Variants in ZSCAN12 observed in about 807,000 individuals in gnomAD.
ZSCAN12 encodes zinc finger and SCAN domain-containing protein 12.
A neutral mutation model predicts 23.4 loss-of-function variants in ZSCAN12; 18 were observed. The observed-to-expected ratio is 0.77, with a 90% CI of 0.53 to 1.14. The LOEUF is 1.14. Among genes scored for constraint, ZSCAN12 ranks in the 50% most tolerant of loss-of-function variants. The pLI is 0.00. For synonymous variants in ZSCAN12, 186 were observed against 253.4 expected (o/e 0.73, Z 2.53); for missense variants, 650 against 735.0 (o/e 0.88, Z 1.34).
chr6:28,382,849 C>T (rs73742556), downstream of ZSCAN12, among the ~76,000 whole-genome samples: 1,644 of 152,174 alleles, frequency 0.011, 36 homozygotes, highest in African/African-American at 0.036. Flanking sequence ...GGCTCCCCCC[C>T]ACTTCAAAAT....
At position 28,385,406 on chromosome 6, in the gene ZSCAN12, A is replaced by T. The variant is rs1026055531; in HGVS notation, c.*5048T>A. Among the ~76,000 whole-genome samples, 2 of 152,164 alleles carry T rather than the reference A, an allele frequency of 1.3e-5. No individual in the cohort carries two copies. Among genetic ancestry groups the T allele is most frequent in the Non-Finnish European group, 2.9e-5 (2 of 68,028 alleles). On this transcript the variant is annotated 3_prime_UTR_variant, in exon 4 of 4. Transcript: ENST00000684592. Reference sequence around the variant, plus strand: ...GATTTGGTATGCAGAGGGGGTGATAATATTATTACCTGAGGTGTTTGGACT... The same window carrying T: ...GATTTGGTATGCAGAGGGGGTGATATTATTATTACCTGAGGTGTTTGGACT...
At chr6:28,393,255 C>A (rs1314912410) in intron 2 of ZSCAN12, among the ~76,000 whole-genome samples, 1 of 151,944 alleles carries the variant, frequency 6.6e-6, no homozygotes, top group African/African-American at 2.4e-5. Flanking sequence ...CCTGTTGTTA[C>A]CGCTAAAGTA....
In ZSCAN12 at chr6:28,398,476, G is replaced by A. The variant is rs1761242434; in HGVS notation, c.-68-3C>T. On this transcript the variant is annotated splice_region_variant and splice_polypyrimidine_tract_variant and intron_variant, in intron 1 of 3. Transcript: ENST00000684592. ...GGAAACTGTATTCCTGGACAGTCCTGAAGAATAAGCCATCATTATTAATAC... is the reference window on the plus strand; with the variant it reads ...GGAAACTGTATTCCTGGACAGTCCTAAAGAATAAGCCATCATTATTAATAC... The A allele has an allele frequency of 2.8e-6, 4 of 1,411,466 alleles. No homozygotes were observed. The highest frequency in any genetic ancestry group is 1.4e-5 in the African/African-American group (1 of 69,034). 87.4% of individuals were successfully genotyped at this position (1,411,466 alleles called of 1,614,324 possible).
At chr6:28,396,016 TTGA>T (rs776492304) in intron 2 of ZSCAN12, among the ~76,000 whole-genome samples, 1,464 of 142,256 alleles carry the variant, frequency 0.01, 28 homozygotes, top group African/African-American at 0.036. Flanking sequence ...TAGGTGTTTG[TTGA>T]TTTTTTTTTT....
At chr6:28,382,878 G>C (rs1171414486), downstream of ZSCAN12, among the ~76,000 whole-genome samples, 1 of 151,538 alleles carries the variant, frequency 6.6e-6, no homozygotes, top group Non-Finnish European at 1.5e-5. Context: ...AAACGGCAGA[G>C]ATAAGAACAT....
chr6:28,399,601 A>T (rs963838737), intron 1 of ZSCAN12, 56 bp downstream of exon 1: 1 of 152,450 alleles, frequency 6.6e-6, no homozygotes, highest in East Asian at 1.9e-4. Flanking sequence ...CAGCAGCTGG[A>T]ATACAGCAAT....
At chr6:28,382,420 C>G (rs1458997616), downstream of ZSCAN12, 14 of 1,513,516 alleles carry the variant, frequency 9.2e-6, no homozygotes, top group Non-Finnish European at 1.2e-5. Context: ...TGAGGAAAGA[C>G]CTGTGATTTC....
downstream of ZSCAN12, chr6:28,382,671 C>T (rs1421273255): frequency 3.3e-6 from 5 of 1,529,152 alleles, no homozygotes; most frequent in Admixed American, 2.1e-5. Flanking sequence ...TAGCCAAGAA[C>T]TCACTTATCT....
At chr6:28,397,029 C>T (rs889318927) in intron 2 of ZSCAN12, among the ~76,000 whole-genome samples, 6 of 152,040 alleles carry the variant, frequency 3.9e-5, no homozygotes, top group Non-Finnish European at 7.4e-5. Flanking sequence ...CTCTTTATAC[C>T]GGGGTTTCCC....
rs573886439 is a variant in ZSCAN12, at chr6:28,390,427, C to T, written c.*27G>A. 6.9e-5 allele frequency: 102 copies of T among 1,484,992 alleles called. No homozygotes were observed. The East Asian group carries it at 1.4e-3, about 21-fold the overall frequency. 92.0% of individuals were successfully genotyped at this position (1,484,992 alleles called of 1,614,324 possible). ...AAATAGTATTTCTCACCGGCCTGAA[C>T]TCTGTGAGATAACTTCCCTGTAGTC... On this transcript the variant is annotated 3_prime_UTR_variant, in exon 4 of 4. Transcript: ENST00000684592.
chr6:28,397,869 C>A, intron 2 of ZSCAN12, 135 bp downstream of exon 2: 1 of 1,122,364 alleles, frequency 8.9e-7, no homozygotes, highest in Non-Finnish European at 1.2e-6. Flanking sequence ...AGCCAACTTT[C>A]CGTGAAACTC....
downstream of ZSCAN12, chr6:28,382,410 T>C: frequency 1.3e-6 from 2 of 1,493,190 alleles, no homozygotes; most frequent in Non-Finnish European, 1.8e-6. Context: ...ATTTAAAGTT[T>C]GAGGAAAGAC....
rs1235995922 is a variant in ZSCAN12, at chr6:28,391,360, A to G, written c.930T>C (p.Ala310=). ...RPYKCEECGK[A]FRGRTVLIRH... ...GAATAAGCACAGTTCTCCCACGGAA[A>G]GCTTTTCCACATTCTTCGCATTTGT... Residue 310 remains alanine, a synonymous_variant, in exon 4 of 4, where the codon GCT becomes GCC. Transcript: ENST00000684592. This position sits in a 1 kb window ranked among gnomAD's most constrained non-coding sequence, Gnocchi z 4.1. The G allele has an allele frequency of 4.5e-6, 7 of 1,551,722 alleles. No homozygotes were observed. Among genetic ancestry groups the G allele is most frequent in the East Asian group, 2.4e-5 (1 of 40,906 alleles).
chr6:28,397,047 G>A (rs2113998468), intron 2 of ZSCAN12, among the ~76,000 whole-genome samples: 1 of 152,034 alleles, frequency 6.6e-6, no homozygotes, highest in Admixed American at 6.6e-5. Context: ...CCCAGCATTG[G>A]CTCTACTGAC....
downstream of ZSCAN12, among the ~76,000 whole-genome samples, chr6:28,383,524 C>CA (rs1760391413): frequency 3.9e-5 from 6 of 152,178 alleles, no homozygotes; most frequent in African/African-American, 1.4e-4. Context: ...CTGAGCAGCG[C>CA]AAGTTCCAGC....
rs997604660 is a variant in ZSCAN12, at chr6:28,388,509, T to C, written c.*1945A>G. 7.2e-5 allele frequency among the ~76,000 whole-genome samples: 11 copies of C among 152,198 alleles called. No individual in the cohort carries two copies. Among genetic ancestry groups the C allele is most frequent in the African/African-American group, 2.7e-4 (11 of 41,448 alleles). ...TAGTTCCAACCCAGGGATGAAATTC[T>C]ATACAGGGTTTATGGCTAGAGAGGC... On this transcript the variant is annotated 3_prime_UTR_variant, in exon 4 of 4. Coordinates refer to ENST00000684592, the MANE Select transcript of ZSCAN12 (RefSeq NM_001163391.2).
rs79476469 is a variant in ZSCAN12 at position 28,388,478 on chromosome 6, C to T, written c.*1976G>A. ...CATAATATTCCTATAGGACCAGAGA[C>T]GCTTCTAGTTCCAACCCAGGGATGA... On this transcript the variant is annotated 3_prime_UTR_variant, in exon 4 of 4. Transcript: ENST00000684592. Among the ~76,000 whole-genome samples the T allele has an allele frequency of 3.6e-3, 545 of 152,244 alleles. 4 individuals are homozygous for T. Among genetic ancestry groups the T allele is most frequent in the African/African-American group, 0.012 (494 of 41,536 alleles).
downstream of ZSCAN12, among the ~76,000 whole-genome samples, chr6:28,384,736 C>T (rs370176408): frequency 6.6e-6 from 1 of 152,166 alleles, no homozygotes; most frequent in Admixed American, 6.5e-5. Context: ...AATATTCATA[C>T]ATACTTTTTA....
At chr6:28,380,270 G>A (rs1395347901), downstream of ZSCAN12, 1 of 152,166 alleles carries the variant, frequency 6.6e-6, no homozygotes, top group Non-Finnish European at 1.5e-5. Flanking sequence ...TTCACTCACT[G>A]ATTTTTCCCA....
Sources: allele counts gnomAD v4.1 joint callset (sites outside exome capture counted in the v4.1 genomes callset), GRCh38; gene constraint gnomAD v4.1.1; non-coding constraint Gnocchi (gnomAD v3.1); transcripts MANE v1.5; gene names NCBI Gene and HGNC (gene_info 2026-07-23, HGNC 2026-07-21).